Variants in CCNA2 observed in about 807,000 individuals in gnomAD.
CCNA2 encodes the protein cyclin-A2.
Under a neutral mutation model 49.4 loss-of-function variants are expected in CCNA2, and 3 were observed. That is an observed-to-expected ratio of 0.06 (90% CI 0.03 to 0.16). CCNA2 has a LOEUF of 0.16. Among genes scored for constraint, CCNA2 ranks in the 10% least tolerant of loss-of-function variants. The pLI, the probability that CCNA2 is intolerant of heterozygous loss-of-function variation, is 1.00. For synonymous variants in CCNA2, 206 were observed against 197.2 expected (o/e 1.04, Z -0.37); for missense variants, 372 against 519.7 (o/e 0.72, Z 2.76).
chr4:121,823,857 GC>G lies in CCNA2; in HGVS notation c.-230del. On this transcript the variant is annotated 5_prime_UTR_variant, in exon 1 of 8. Coordinates refer to ENST00000274026, the MANE Select transcript of CCNA2 (RefSeq NM_001237.5). ...CTGCCCAGCGTGGCGAGCCAAAGAC[GC>G]CCAGAGATGCAGCGAGCAGCCCGCC... 1 of 689,746 alleles carries G rather than the reference GC, an allele frequency of 1.4e-6. No homozygotes were observed. The highest frequency in any genetic ancestry group is 2.2e-6 in the Non-Finnish European group (1 of 445,540). 42.7% of individuals were successfully genotyped at this position (689,746 alleles called of 1,614,324 possible). A position where few individuals can be genotyped will look rare whatever the true frequency, so the allele number is the denominator to read the frequency against.
At chr4:121,818,938 C>A (rs1724619560) in intron 5 of CCNA2, 25 bp from the exon 6 acceptor site, 2 of 1,422,052 alleles carry the variant, frequency 1.4e-6, no homozygotes, top group South Asian at 2.3e-5. Flanking sequence ...ACTTTATGAT[C>A]ACAAGAGCGT....
At position 121,823,410 on chromosome 4, in the gene CCNA2, C is replaced by T; in HGVS notation, c.213+6G>A. 6.2e-7 allele frequency: 1 copy of T among 1,609,516 alleles called. No individual in the cohort carries two copies. Among genetic ancestry groups the T allele is most frequent in the South Asian group, 1.1e-5 (1 of 90,296 alleles). Reference sequence around the variant, plus strand: ...ACCCTCCTGCAGATATCCCGCATCCCTTTACCCGTCTCGTCTTCGGCCTCT... The same window carrying T: ...ACCCTCCTGCAGATATCCCGCATCCTTTTACCCGTCTCGTCTTCGGCCTCT... On this transcript the variant is annotated splice_donor_region_variant and intron_variant, in intron 1 of 7. Coordinates refer to ENST00000274026, the MANE Select transcript of CCNA2 (RefSeq NM_001237.5).
rs765331627 is a variant in CCNA2 at position 121,820,137 on chromosome 4, C to T, written c.794+405G>A. On this transcript the variant is annotated intron_variant, in intron 4 of 7. Transcript: ENST00000274026. This position sits in a 1 kb window ranked among gnomAD's most constrained non-coding sequence, Gnocchi z 4.1. ...TGTATTTTTAGTAGAGACAGGGTTT[C>T]GCCATGATGGCCAGGCTGGTCTCAA... Among the ~76,000 whole-genome samples the T allele has an allele frequency of 8.6e-5, 13 of 151,924 alleles. No homozygotes were observed. The highest frequency in any genetic ancestry group is 2.1e-4 in the South Asian group (1 of 4,818).
rs981859348 is a variant in CCNA2, at chr4:121,817,105, A to AAAC, written c.*530_*532dup. On this transcript the variant is annotated 3_prime_UTR_variant, in exon 8 of 8. Coordinates refer to ENST00000274026, the MANE Select transcript of CCNA2 (RefSeq NM_001237.5). Reference sequence around the variant, plus strand: ...TGAGTTTACCTCGCAAAACCTAAACAAACAGGTTTTACAAAGAGCGAAAAA... The same window carrying AAAC: ...TGAGTTTACCTCGCAAAACCTAAACAAACAACAGGTTTTACAAAGAGCGAAAAA... 5.0e-6 allele frequency: 2 copies of AAAC among 401,080 alleles called. No individual in the cohort carries two copies. The highest frequency in any genetic ancestry group is 2.1e-5 in the African/African-American group (1 of 47,870). The allele number at this position is 401,080 out of a possible 1,614,324, so 24.8% of individuals were successfully genotyped here. A position where few individuals can be genotyped will look rare whatever the true frequency, so the allele number is the denominator to read the frequency against.
Position 121,818,164 on chromosome 4 carries a change from A to G in CCNA2, c.1130T>C (p.Ile377Thr), listed in dbSNP as rs1221373663. The part of the protein sequence containing the change: ...VTGQSWPESL[I>T]RKTGYTLESL... Reference sequence around the variant, plus strand: ...TTCCAGGGTATATCCAGTCTTTCGTATTAATGATTCAGGCTACAGAGAAGG... The same window carrying G: ...TTCCAGGGTATATCCAGTCTTTCGTGTTAATGATTCAGGCTACAGAGAAGG... The change falls in exon 7 of 8, where the codon ATA becomes ACA. Residue 377 changes from isoleucine (I) to threonine (T), a missense_variant. By Grantham distance (89) the Ile-to-Thr change is moderately conservative. Transcript: ENST00000274026. The G allele has an allele frequency of 6.8e-6, 11 of 1,613,300 alleles. No homozygotes were observed. The Admixed American group carries it at 1.8e-4, about 27-fold the overall frequency.
rs868416665 is a variant in CCNA2, at chr4:121,820,832, C to T, written c.571-67G>A. 16 of 1,282,574 alleles carry T rather than the reference C, an allele frequency of 1.2e-5. No homozygotes were observed. In the Middle Eastern group the frequency reaches 2.9e-3, roughly 234 times the overall value. The allele number at this position is 1,282,574 out of a possible 1,614,324, so 79.4% of individuals were successfully genotyped here. On this transcript the variant is annotated intron_variant, in intron 3 of 7. Transcript: ENST00000274026. The surrounding 1 kb of genome is among the most constrained non-coding windows in gnomAD (Gnocchi z 4.1). ...TAAAAACTGCAATTAGATTATTTTA[C>T]CATTAATTACGAGAGGCTACATGCT...
chr4:121,816,678 T>G lies in CCNA2; in HGVS notation c.*960A>C. ...CAGTCTTACTCATAGCTGACACATT[T>G]TAGATCCTACTGGAAAACTAAGAAA... is the stretch of plus-strand genomic sequence containing the variant. On this transcript the variant is annotated 3_prime_UTR_variant, in exon 8 of 8. Coordinates refer to ENST00000274026, the MANE Select transcript of CCNA2 (RefSeq NM_001237.5). The G allele has an allele frequency of 7.7e-7, 1 of 1,292,326 alleles. No individual in the cohort carries two copies. Among genetic ancestry groups the G allele is most frequent in the Middle Eastern group, 2.1e-4 (1 of 4,776 alleles). The allele number at this position is 1,292,326 out of a possible 1,614,324, so 80.1% of individuals were successfully genotyped here.
chr4:121,819,342 C>T, intron 5 of CCNA2, 30 bp downstream of exon 5: 1 of 1,541,012 alleles, frequency 6.5e-7, no homozygotes, highest in Non-Finnish European at 9.0e-7. Flanking sequence ...ACCAAAGAAT[C>T]ACCATTCAAC....
chr4:121,819,939 C>CTT (rs796750946), intron 4 of CCNA2, among the ~76,000 whole-genome samples: 14 of 135,096 alleles, frequency 1.0e-4, no homozygotes, highest in South Asian at 7.2e-4. Flanking sequence ...GTTTTTCTTT[C>CTT]TTTTTTTTTT....
At chr4:121,818,327 C>T (rs763905031) in intron 6 of CCNA2, 150 bp from the exon 7 acceptor site, 78 of 731,490 alleles carry the variant, frequency 1.1e-4, no homozygotes, top group African/African-American at 3.0e-4. Context: ...TTCCATCCCT[C>T]GATCCATTTT....
At chr4:121,819,229 T>C in intron 5 of CCNA2, 143 bp downstream of exon 5, 1 of 654,532 alleles carries the variant, frequency 1.5e-6, no homozygotes, top group South Asian at 1.9e-5. Context: ...CTTTCTTCCA[T>C]ACTGCAGCAT....
chr4:121,818,557 A>G (rs1724607577), intron 6 of CCNA2, among the ~76,000 whole-genome samples: 1 of 152,132 alleles, frequency 6.6e-6, no homozygotes, highest in Admixed American at 6.5e-5. Context: ...TCACCCTTCC[A>G]TATATATGGG....
Position 121,823,580 on chromosome 4 carries a change from C to T in CCNA2, c.49G>A (p.Ala17Thr), listed in dbSNP as rs951558479. 2.5e-6 allele frequency: 4 copies of T among 1,607,466 alleles called. No homozygotes were observed. The African/African-American group carries it at 5.3e-5, about 21-fold the overall frequency. The change falls in exon 1 of 8, where the codon GCG becomes ACG. Residue 17 changes from alanine to threonine, a missense_variant. Transcript: ENST00000274026. ...PGPATREAGSALLALQQTALQ... is the reference protein window; with the variant it reads ...PGPATREAGSTLLALQQTALQ... ...GCCGTCTGCTGCAATGCTAGCAGCG[C>T]CGAGCCCGCCTCGCGGGTCGCAGGC...
intron 6 of CCNA2, 23 bp from the exon 7 acceptor site, chr4:121,818,200 C>T: frequency 6.3e-7 from 1 of 1,599,598 alleles, no homozygotes; most frequent in Non-Finnish European, 8.5e-7. Flanking sequence ...GAATAGAGAA[C>T]CCCTGAGTTT....
At position 121,820,496 on chromosome 4, in the gene CCNA2, A is replaced by G. The variant is rs766711975; in HGVS notation, c.794+46T>C. On this transcript the variant is annotated intron_variant, in intron 4 of 7. Coordinates refer to ENST00000274026, the MANE Select transcript of CCNA2 (RefSeq NM_001237.5). This position sits in a 1 kb window ranked among gnomAD's most constrained non-coding sequence, Gnocchi z 4.1. ...CATTAAAAAAATCAATTTCTTCCCT[A>G]GACAAAAGGTCGTGATCACTTTTAA... 66 of 1,367,666 alleles carry G rather than the reference A, an allele frequency of 4.8e-5. No homozygotes were observed. In the South Asian group the frequency reaches 7.9e-4, roughly 16 times the overall value. The allele number at this position is 1,367,666 out of a possible 1,614,324, so 84.7% of individuals were successfully genotyped here.
intron 5 of CCNA2, 55 bp from the exon 6 acceptor site, chr4:121,818,968 C>T (rs1724620267): frequency 8.6e-7 from 1 of 1,161,434 alleles, no homozygotes; most frequent in Non-Finnish European, 1.3e-6. Context: ...AAATGTCAAA[C>T]CTCTGCCTTC....
In CCNA2 at chr4:121,820,787, G is replaced by T; in HGVS notation, c.571-22C>A. On this transcript the variant is annotated intron_variant, in intron 3 of 7. Transcript: ENST00000274026. The surrounding 1 kb of genome is among the most constrained non-coding windows in gnomAD (Gnocchi z 4.1). ...TAACCTATTGAGAAAATTATTTATA[G>T]TGTTAAAATTATTCTAGTGTAAAAA... The T allele has an allele frequency of 6.6e-7, 1 of 1,516,736 alleles. No individual in the cohort carries two copies. Among genetic ancestry groups the T allele is most frequent in the Non-Finnish European group, 9.1e-7 (1 of 1,100,528 alleles). The allele number at this position is 1,516,736 out of a possible 1,614,324, so 94.0% of individuals were successfully genotyped here.
intron 2 of CCNA2, 106 bp downstream of exon 2, chr4:121,822,293 AACTC>A: frequency 9.4e-7 from 1 of 1,065,908 alleles, no homozygotes; most frequent in African/African-American, 1.6e-5. Flanking sequence ...CATTAAACCT[AACTC>A]ACTATAGTCA....
chr4:121,816,804 C>G lies in CCNA2; in HGVS notation c.*834G>C. 1 of 1,601,644 alleles carries G rather than the reference C, an allele frequency of 6.2e-7. No individual in the cohort carries two copies. Among genetic ancestry groups the G allele is most frequent in the Non-Finnish European group, 8.5e-7 (1 of 1,173,536 alleles). On this transcript the variant is annotated 3_prime_UTR_variant, in exon 8 of 8. Transcript: ENST00000274026. ...ACCACCAGTGCAAAACAAGAAAAAG[C>G]ACCAAGTAAAAAGCCAGTGAAAAGA...
Sources: gnomAD v4.1 joint callset for allele counts (sites outside exome capture counted in the v4.1 genomes callset) on GRCh38, gnomAD v4.1.1 for gene constraint, Gnocchi (gnomAD v3.1) non-coding constraint, MANE v1.5 for transcripts, NCBI Gene and HGNC (gene_info 2026-07-23, HGNC 2026-07-21) for gene names.